Variants in PIGR observed in about 807,000 individuals in gnomAD.
The protein encoded by PIGR is hepatocellular carcinoma associated protein TB6.
In PIGR, 22 loss-of-function variants were observed where a neutral mutation model predicts 69.5. The observed-to-expected ratio is 0.32, with a 90% CI of 0.23 to 0.45. The LOEUF (loss-of-function observed/expected upper bound fraction) is 0.45, where lower values mean the gene tolerates loss of function less well. Ranked by LOEUF, PIGR falls within the 20% of genes least tolerant of loss-of-function variation. The probability of loss-of-function intolerance (pLI) is 1.00; values close to 1 mark genes in which losing one functional copy is unlikely to be tolerated. For missense variants in PIGR, 885 were observed against 974.0 expected (o/e 0.91, Z 1.22); for synonymous variants, 413 against 407.6 (o/e 1.01, Z -0.16).
chr1:206,932,020 C>T (rs566751185), intron 8 of PIGR, among the ~76,000 whole-genome samples: 4 of 152,298 alleles, frequency 2.6e-5, no homozygotes, highest in African/African-American at 9.6e-5. Context: ...CTTTGTCACT[C>T]TGGGACCTTT....
rs74567556 is a variant in PIGR at position 206,937,065 on chromosome 1, C to T, written c.1045+30G>A. ...GGCTCTCACCTGCGAGACTGCCCCA[C>T]CTACTCCCCCTCCCTCTCTAGGGTC... is the stretch of plus-strand genomic sequence containing the variant. On this transcript the variant is annotated intron_variant, in intron 4 of 10. Transcript: ENST00000356495. 65 of 1,522,664 alleles carry T rather than the reference C, an allele frequency of 4.3e-5. No individual in the cohort carries two copies. The East Asian group carries it at 1.4e-3, about 33-fold the overall frequency. The allele number at this position is 1,522,664 out of a possible 1,614,324, so 94.3% of individuals were successfully genotyped here.
At chr1:206,941,521 A>G (rs1310505339) in intron 1 of PIGR, among the ~76,000 whole-genome samples, 2 of 152,258 alleles carry the variant, frequency 1.3e-5, no homozygotes, top group African/African-American at 4.8e-5. Flanking sequence ...TTTTATGGAT[A>G]AAACATTGAG....
Position 206,935,522 on chromosome 1 carries a change from G to C in PIGR, c.1342C>G (p.Leu448Val), listed in dbSNP as rs1464005294. 1 of 1,614,094 alleles carries C rather than the reference G, an allele frequency of 6.2e-7. No homozygotes were observed. The highest frequency in any genetic ancestry group is 8.5e-7 in the Non-Finnish European group (1 of 1,179,994). ...TTGATCTCCACGGTGGTCCTCCAGA[G>C]AGTATCGCCGTTGGTCAGACACCAG... is the stretch of plus-strand genomic sequence containing the variant. ...FYWCLTNGDT[L>V]WRTTVEIKII... is the part of the protein sequence containing the mutation. The change falls in exon 5 of 11, where the codon CTC becomes GTC. Residue 448 changes from leucine (L) to valine (V), a missense_variant. Leu to Val is a conservative substitution (Grantham distance 32). Transcript: ENST00000356495. The surrounding 1 kb of genome is among the most constrained non-coding windows in gnomAD (Gnocchi z 4.4).
chr1:206,930,379 T>C lies in PIGR; in HGVS notation c.2234A>G (p.Asp745Gly). The change falls in exon 11 of 11, where the codon GAC becomes GGC. Residue 745 changes from aspartate (D) to glycine (G), a missense_variant. Physicochemically the swap from Asp to Gly is moderately conservative, Grantham distance 94. Coordinates refer to ENST00000356495, the MANE Select transcript of PIGR (RefSeq NM_002644.4). This position sits in a 1 kb window ranked among gnomAD's most constrained non-coding sequence, Gnocchi z 4.3. ...SKEEAEMAYK[D>G]FLLQSSTVAA... is the part of the protein sequence containing the mutation. ...CACGGTGCTGGACTGGAGCAGGAAGTCTTTGTAGGCCATCTCGGCTTCCTC... is the reference window on the plus strand; with the variant it reads ...CACGGTGCTGGACTGGAGCAGGAAGCCTTTGTAGGCCATCTCGGCTTCCTC... 6.2e-7 allele frequency: 1 copy of C among 1,612,940 alleles called. No individual in the cohort carries two copies. The highest frequency in any genetic ancestry group is 8.5e-7 in the Non-Finnish European group (1 of 1,179,450).
chr1:206,942,917 C>G (rs1680016833), intron 1 of PIGR, among the ~76,000 whole-genome samples: 1 of 152,158 alleles, frequency 6.6e-6, no homozygotes, highest in African/African-American at 2.4e-5. Flanking sequence ...GAGAGGATAC[C>G]CCTGCTTTCA....
Position 206,930,332 on chromosome 1 carries a change from G to T in PIGR, c.2281C>A (p.Pro761Thr). The change falls in exon 11 of 11, where the codon CCC becomes ACC. Residue 761 changes from proline (P) to threonine (T), a missense_variant. Transcript: ENST00000356495. This position sits in a 1 kb window ranked among gnomAD's most constrained non-coding sequence, Gnocchi z 4.3. ...GGCGACACCGTCTAGGCTTCCTGGGGGCCGTCCTGGGCCTCGGCGGCCACG... is the reference window on the plus strand; with the variant it reads ...GGCGACACCGTCTAGGCTTCCTGGGTGCCGTCCTGGGCCTCGGCGGCCACG... The part of the protein sequence containing the change: ...STVAAEAQDG[P>T]QEA 1 of 1,611,418 alleles carries T rather than the reference G, an allele frequency of 6.2e-7. No individual in the cohort carries two copies. Among genetic ancestry groups the T allele is most frequent in the South Asian group, 1.1e-5 (1 of 90,730 alleles).
rs1177207376 is a variant in PIGR at position 206,936,718 on chromosome 1, G to A, written c.1045+377C>T. On this transcript the variant is annotated intron_variant, in intron 4 of 10. Transcript: ENST00000356495. ...GCCAATCCTTTTTCCATCTGAATGT[G>A]AGGGATGAGGCACCCATCTTGTTCA... 3.9e-5 allele frequency among the ~76,000 whole-genome samples: 6 copies of A among 152,276 alleles called. No individual in the cohort carries two copies. In the East Asian group the frequency reaches 1.2e-3, roughly 29 times the overall value.
chr1:206,934,617 C>A lies in PIGR; in HGVS notation c.1508G>T (p.Cys503Phe). 1.9e-6 allele frequency: 3 copies of A among 1,614,198 alleles called. No individual in the cohort carries two copies. Among genetic ancestry groups the A allele is most frequent in the Non-Finnish European group, 2.5e-6 (3 of 1,180,012 alleles). Reference sequence around the variant, plus strand: ...TTCGTCTTGGCTGGGCAGGGCCTGGCAGCCCGTGTTATTCCACTTGCACCA... The same window carrying A: ...TTCGTCTTGGCTGGGCAGGGCCTGGAAGCCCGTGTTATTCCACTTGCACCA... ...KYWCKWNNTGCQALPSQDEGP... is the reference protein window; with the variant it reads ...KYWCKWNNTGFQALPSQDEGP... The change falls in exon 6 of 11, where the codon TGC becomes TTC. Residue 503 changes from cysteine to phenylalanine, a missense_variant. Physicochemically the swap from Cys to Phe is radical, Grantham distance 205 (BLOSUM62 -2). Coordinates refer to ENST00000356495, the MANE Select transcript of PIGR (RefSeq NM_002644.4).
intron 4 of PIGR, 119 bp downstream of exon 4, chr1:206,936,976 A>G (rs1446232263): frequency 4.9e-6 from 5 of 1,013,586 alleles, no homozygotes; most frequent in East Asian, 2.7e-5. Context: ...GGGGCTGGTC[A>G]TTGAGTGGAT....
At chr1:206,940,936 G>C (rs757580750) in intron 1 of PIGR, among the ~76,000 whole-genome samples, 1 of 152,162 alleles carries the variant, frequency 6.6e-6, no homozygotes, top group Admixed American at 6.5e-5. Flanking sequence ...CTACCAATAC[G>C]TGGCCCCCAT....
At position 206,933,059 on chromosome 1, in the gene PIGR, A is replaced by G; in HGVS notation, c.1813T>C (p.Phe605Leu). 1 of 1,614,216 alleles carries G rather than the reference A, an allele frequency of 6.2e-7. No homozygotes were observed. Among genetic ancestry groups the G allele is most frequent in the Non-Finnish European group, 8.5e-7 (1 of 1,180,040 alleles). Residue 605 changes from phenylalanine to leucine, a missense_variant, in exon 7 of 11, where the codon TTT becomes CTT. Transcript: ENST00000356495. ...ENKAIQDPRL[F>L]AEEKAVADTR... ...TCTGCCACCGCCTTTTCCTCTGCAA[A>G]AAGCCTGGGATCCTGAATGGCTTTG...
chr1:206,937,183 A>C lies in PIGR; in HGVS notation c.957T>G (p.Asp319Glu). ...GGGCTCCACACAGGTAGCGCCCTGC[A>C]TCCTCCTTCCTCAGGCCTGTGATCA... The part of the protein sequence containing the change: ...SVVITGLRKE[D>E]AGRYLCGAHS... The change falls in exon 4 of 11, where the codon GAT (aspartate) becomes GAG (glutamate). Residue 319 changes from aspartate to glutamate, a missense_variant. Physicochemically the swap from Asp to Glu is conservative, Grantham distance 45. Coordinates refer to ENST00000356495, the MANE Select transcript of PIGR (RefSeq NM_002644.4). 6.2e-7 allele frequency: 1 copy of C among 1,614,140 alleles called. No individual in the cohort carries two copies. Among genetic ancestry groups the C allele is most frequent in the Non-Finnish European group, 8.5e-7 (1 of 1,180,016 alleles).
chr1:206,934,935 T>G (rs1679835352), intron 5 of PIGR, among the ~76,000 whole-genome samples, 189 bp from the exon 6 acceptor site: 1 of 152,166 alleles, frequency 6.6e-6, no homozygotes, highest in South Asian at 2.1e-4. Flanking sequence ...CATAGCTCAC[T>G]GCAGCCTCCA....
At chr1:206,941,665 AT>A (rs1430970607) in intron 1 of PIGR, among the ~76,000 whole-genome samples, 1 of 152,246 alleles carries the variant, frequency 6.6e-6, no homozygotes, top group African/African-American at 2.4e-5. Flanking sequence ...AGAATCGAAG[AT>A]GAGACCACTC....
intron 1 of PIGR, among the ~76,000 whole-genome samples, chr1:206,946,034 C>T (rs1024631445): frequency 6.6e-6 from 1 of 152,176 alleles, no homozygotes; most frequent in African/African-American, 2.4e-5. Context: ...GTTAGGAAAT[C>T]CAGGCACAGA....
intron 5 of PIGR, among the ~76,000 whole-genome samples, chr1:206,934,984 A>G (rs942529021): frequency 2.6e-5 from 4 of 152,150 alleles, no homozygotes; most frequent in African/African-American, 9.7e-5. Flanking sequence ...TTGGCCTCCC[A>G]AGGTGCTGAG....
chr1:206,931,367 G>A (rs1679744814), intron 10 of PIGR, 130 bp downstream of exon 10: 1 of 1,589,724 alleles, frequency 6.3e-7, no homozygotes, highest in Non-Finnish European at 8.6e-7. Flanking sequence ...GGACTCCTGA[G>A]GACTATTTAT....
chr1:206,931,938 G>C (rs1679762262), intron 8 of PIGR, 136 bp from the exon 9 acceptor site: 2 of 925,370 alleles, frequency 2.2e-6, no homozygotes. Flanking sequence ...CTATGACCCA[G>C]GGGGATGGAA....
chr1:206,936,456 A>G (rs1679864359), intron 4 of PIGR, among the ~76,000 whole-genome samples: 1 of 152,114 alleles, frequency 6.6e-6, no homozygotes, highest in African/African-American at 2.4e-5. Context: ...AAAAGTCACA[A>G]GCACAGATAC....
Sources: gnomAD v4.1 joint callset for allele counts (sites outside exome capture counted in the v4.1 genomes callset) on GRCh38, gnomAD v4.1.1 for gene constraint, Gnocchi (gnomAD v3.1) non-coding constraint, MANE v1.5 for transcripts, NCBI Gene and HGNC (gene_info 2026-07-23, HGNC 2026-07-21) for gene names.